ADAM2: variants seen among roughly 807,000 people sequenced by gnomAD.
ADAM2 encodes the protein disintegrin and metalloproteinase domain-containing protein 2.
Under a neutral mutation model 99.3 loss-of-function variants are expected in ADAM2, and 101 were observed. The ratio of observed to expected loss-of-function variants is 1.02; its 90% CI spans 0.87 to 1.20. The LOEUF (loss-of-function observed/expected upper bound fraction) is 1.20, where lower values mean the gene tolerates loss of function less well. Among genes scored for constraint, ADAM2 ranks in the 50% most tolerant of loss-of-function variants. ADAM2 has a pLI of 0.00. For synonymous variants in ADAM2, 323 were observed against 287.6 expected (o/e 1.12, Z -1.25); for missense variants, 948 against 878.7 (o/e 1.08, Z -1.00).
chr8:39,746,860 G>T (rs1172233368), intron 18 of ADAM2, among the ~76,000 whole-genome samples: 1 of 152,088 alleles, frequency 6.6e-6, no homozygotes, highest in Non-Finnish European at 1.5e-5. Flanking sequence ...CTTTGCTGAG[G>T]ATTTTTGTAT....
chr8:39,807,739 A>G (rs1208905128), intron 7 of ADAM2, among the ~76,000 whole-genome samples: 1 of 152,144 alleles, frequency 6.6e-6, no homozygotes, highest in Non-Finnish European at 1.5e-5. Flanking sequence ...ATACTACACT[A>G]TATATACAAA....
intron 6 of ADAM2, among the ~76,000 whole-genome samples, chr8:39,819,927 G>A (rs1805108680): frequency 6.6e-6 from 1 of 152,084 alleles, no homozygotes; most frequent in South Asian, 2.1e-4. Flanking sequence ...GCCAAGAAAA[G>A]AGAATCTTAA....
intron 7 of ADAM2, among the ~76,000 whole-genome samples, chr8:39,796,620 G>T (rs1296206793): frequency 6.6e-6 from 1 of 152,158 alleles, no homozygotes; most frequent in Non-Finnish European, 1.5e-5. Context: ...TCTCCATACT[G>T]TCTTCCACAA....
In ADAM2 at chr8:39,745,532, G is replaced by A. The variant is rs545665877; in HGVS notation, c.2175-639C>T. Among the ~76,000 whole-genome samples the A allele has an allele frequency of 9.4e-4, 143 of 152,008 alleles. 1 individual carries two copies. The highest frequency in any genetic ancestry group is 3.3e-3 in the African/African-American group (137 of 41,544). On this transcript the variant is annotated intron_variant, in intron 19 of 20. Coordinates refer to ENST00000265708, the MANE Select transcript of ADAM2 (RefSeq NM_001464.5). ...TGAAAATAAATAAACCAGTTTTAAT[G>A]TTTACTTGTATTTTTATAGCACATA...
At chr8:39,819,989 T>A (rs1805110844) in intron 6 of ADAM2, among the ~76,000 whole-genome samples, 1 of 152,138 alleles carries the variant, frequency 6.6e-6, no homozygotes, top group South Asian at 2.1e-4. Flanking sequence ...CCTTCTACTT[T>A]GACTAGATTT....
At chr8:39,769,365 T>G (rs201418397) in intron 12 of ADAM2, 27 bp downstream of exon 12, 1 of 1,560,210 alleles carries the variant, frequency 6.4e-7, no homozygotes, top group Admixed American at 1.8e-5. Flanking sequence ...GCAATTTCAG[T>G]GCGTAGTCTT....
At chr8:39,779,094 T>C (rs1450311522) in intron 10 of ADAM2, among the ~76,000 whole-genome samples, 1 of 152,116 alleles carries the variant, frequency 6.6e-6, no homozygotes. Context: ...TTTTATTGTA[T>C]TTCCTTTCAA....
At position 39,749,403 on chromosome 8, in the gene ADAM2, A is replaced by T; in HGVS notation, c.1923T>A (p.Pro641=). Residue 641 remains proline (P), a synonymous_variant, in exon 18 of 21, where the codon CCT becomes CCA. Transcript: ENST00000265708. Reference sequence around the variant, plus strand: ...GATCTGATTGAACTGAGCAATCTGGAGGTAAATATGAAGCACTACAGTGAC... The same window carrying T: ...GATCTGATTGAACTGAGCAATCTGGTGGTAAATATGAAGCACTACAGTGAC... The part of the protein sequence containing the change: ...KHCHCSASYL[P]PDCSVQSDLW... 1 of 1,613,372 alleles carries T rather than the reference A, an allele frequency of 6.2e-7. No individual in the cohort carries two copies. Among genetic ancestry groups the T allele is most frequent in the Non-Finnish European group, 8.5e-7 (1 of 1,179,484 alleles).
At chr8:39,777,681 T>C (rs1934546384) in intron 10 of ADAM2, among the ~76,000 whole-genome samples, 1 of 151,988 alleles carries the variant, frequency 6.6e-6, no homozygotes, top group African/African-American at 2.4e-5. Flanking sequence ...GTGAGTGGAA[T>C]TGAAATGTTC....
intron 7 of ADAM2, among the ~76,000 whole-genome samples, chr8:39,801,513 G>A (rs1287334071): frequency 6.6e-6 from 1 of 152,174 alleles, no homozygotes; most frequent in Non-Finnish European, 1.5e-5. Context: ...TGGGGAATAG[G>A]ACTTGTTTAA....
chr8:39,807,871 C>T (rs963160989), intron 7 of ADAM2, among the ~76,000 whole-genome samples: 4 of 152,074 alleles, frequency 2.6e-5, no homozygotes, highest in African/African-American at 9.7e-5. Flanking sequence ...ACCAAAAATT[C>T]CCATAGTCAT....
intron 7 of ADAM2, among the ~76,000 whole-genome samples, chr8:39,801,755 G>C (rs117483252): frequency 6.6e-6 from 1 of 152,078 alleles, no homozygotes; most frequent in Non-Finnish European, 1.5e-5. Context: ...ACCCACTGAG[G>C]AGGATGTGTC....
At chr8:39,786,164 G>A (rs1191176910) in intron 10 of ADAM2, among the ~76,000 whole-genome samples, 2 of 152,120 alleles carry the variant, frequency 1.3e-5, no homozygotes, top group Admixed American at 1.3e-4. Context: ...CGGGGGTGGA[G>A]GAAGGGTTGA....
intron 7 of ADAM2, among the ~76,000 whole-genome samples, chr8:39,799,059 A>T (rs1433071990): frequency 6.6e-6 from 1 of 151,844 alleles, no homozygotes; most frequent in Non-Finnish European, 1.5e-5. Context: ...CTCTGATCTT[A>T]GTTATTTCTT....
chr8:39,830,792 C>G (rs983096469), intron 3 of ADAM2, among the ~76,000 whole-genome samples: 1 of 152,072 alleles, frequency 6.6e-6, no homozygotes, highest in Non-Finnish European at 1.5e-5. Flanking sequence ...AAAATCAATA[C>G]CTGCTTCTGT....
At chr8:39,804,714 G>A (rs1426662021) in intron 7 of ADAM2, among the ~76,000 whole-genome samples, 2 of 151,814 alleles carry the variant, frequency 1.3e-5, no homozygotes, top group Non-Finnish European at 2.9e-5. Context: ...TTAAAATATG[G>A]GACAGTCATC....
chr8:39,761,603 T>A (rs1802373170), intron 14 of ADAM2, among the ~76,000 whole-genome samples: 1 of 152,198 alleles, frequency 6.6e-6, no homozygotes, highest in Admixed American at 6.5e-5. Context: ...TTTCACATAA[T>A]TGACTTATTT....
intron 7 of ADAM2, among the ~76,000 whole-genome samples, chr8:39,797,890 T>G (rs1264965740): frequency 1.3e-5 from 2 of 152,244 alleles, no homozygotes; most frequent in Admixed American, 6.5e-5. Context: ...CACATTGATT[T>G]TGTATCCTGA....
Position 39,777,033 on chromosome 8 carries a change from T to C in ADAM2, c.1020A>G (p.Pro340=). The C allele has an allele frequency of 1.3e-6, 2 of 1,573,700 alleles. No individual in the cohort carries two copies. Among genetic ancestry groups the C allele is most frequent in the African/African-American group, 2.7e-5 (2 of 74,194 alleles). Residue 340 remains proline, a synonymous_variant, in exon 11 of 21, where the codon CCA becomes CCG. Transcript: ENST00000265708. ...QCSGAVCIMN[P]EAIHFSGVKI... The stretch of plus-strand genomic sequence containing the variant: ...AAAGTCAGAAATCTTACATTGCTTC[T>C]GGATTCATAATGCAGACAGCTCCTG...
Sources: gnomAD v4.1 joint callset for allele counts (sites outside exome capture counted in the v4.1 genomes callset) on GRCh38, gnomAD v4.1.1 for gene constraint, MANE v1.5 for transcripts, NCBI Gene and HGNC (gene_info 2026-07-23, HGNC 2026-07-21) for gene names.